The following PDE3A variants were observed in gnomAD, a reference collection of about 807,000 sequenced individuals.
The protein encoded by PDE3A is phosphodiesterase 3A, also known as cGMP-inhibited 3',5'-cyclic phosphodiesterase 3A.
In PDE3A, 43 loss-of-function variants were observed where a neutral mutation model predicts 98.3. The ratio of observed to expected loss-of-function variants is 0.44; its 90% confidence interval spans 0.34 to 0.56. The LOEUF is 0.56. PDE3A is among the 20% of genes least tolerant of loss of function. The probability of loss-of-function intolerance (pLI) is 0.01; values close to 1 mark genes in which losing one functional copy is unlikely to be tolerated. For synonymous variants in PDE3A, 663 were observed against 567.9 expected, an observed-to-expected ratio of 1.17 and a Z score of -2.38; for missense variants, 1,427 against 1,440.7, an observed-to-expected ratio of 0.99 and a Z score of 0.15.
intron 6 of PDE3A, among the ~76,000 whole-genome samples, chr12:20,632,451 A>T (rs1011702870): frequency 1.3e-5 from 2 of 152,248 alleles, no homozygotes; most frequent in Non-Finnish European, 2.9e-5. Context: ...AACAAACAAA[A>T]AAATCCCCTG....
At chr12:20,592,633 G>A (rs1943368007) in intron 2 of PDE3A, among the ~76,000 whole-genome samples, 1 of 152,122 alleles carries the variant, frequency 6.6e-6, no homozygotes, top group Non-Finnish European at 1.5e-5. Flanking sequence ...CTGAAAATGA[G>A]GGAGAGCATC....
intron 3 of PDE3A, among the ~76,000 whole-genome samples, 162 bp downstream of exon 3, chr12:20,613,862 G>T (rs1943932673): frequency 1.3e-5 from 2 of 152,176 alleles, no homozygotes; most frequent in South Asian, 2.1e-4. Flanking sequence ...TAAACATAAA[G>T]ACTTCTGTCC....
chr12:20,670,560 A>G (rs1406094056), intron 15 of PDE3A, among the ~76,000 whole-genome samples: 1 of 152,164 alleles, frequency 6.6e-6, no homozygotes, highest in East Asian at 1.9e-4. Context: ...AAAACTGCTC[A>G]ACTGCATGGA....
chr12:20,505,893 T>G (rs537315024), intron 1 of PDE3A, among the ~76,000 whole-genome samples: 2 of 152,132 alleles, frequency 1.3e-5, no homozygotes, highest in Admixed American at 1.3e-4. Context: ...GTGGAGCTAC[T>G]CTGGTTGTAT....
chr12:20,450,238 GTTTCTCAAAA>G (rs1945040590), intron 1 of PDE3A, among the ~76,000 whole-genome samples: 1 of 152,152 alleles, frequency 6.6e-6, no homozygotes, highest in African/African-American at 2.4e-5. Flanking sequence ...GAGTTGTCTA[GTTTCTCAAAA>G]TTGTGAGGTT....
intron 2 of PDE3A, among the ~76,000 whole-genome samples, chr12:20,602,286 A>T (rs1266690924): frequency 1.3e-5 from 2 of 152,194 alleles, no homozygotes; most frequent in African/African-American, 4.8e-5. Flanking sequence ...AAAGACAGCT[A>T]AGGTTATCTT....
intron 15 of PDE3A, among the ~76,000 whole-genome samples, chr12:20,667,890 G>A (rs4271432): frequency 0.26 from 39,340 of 152,156 alleles, 6,671 homozygotes; most frequent in East Asian, 0.59. Context: ...AGCTCCCAGC[G>A]TGGTGGATGC....
intron 1 of PDE3A, among the ~76,000 whole-genome samples, chr12:20,498,027 C>T (rs1945952929): frequency 6.6e-6 from 1 of 152,082 alleles, no homozygotes; most frequent in African/African-American, 2.4e-5. Context: ...CGTGTTATAG[C>T]AGAAAAGATT....
intron 13 of PDE3A, 151 bp from the exon 14 acceptor site, chr12:20,650,294 A>G (rs1462302426): frequency 1.4e-5 from 6 of 430,056 alleles, no homozygotes; most frequent in Non-Finnish European, 2.1e-5. Flanking sequence ...TACACAGCCA[A>G]TAACATTTTT....
chr12:20,538,858 C>T (rs1941821050), intron 1 of PDE3A, among the ~76,000 whole-genome samples: 1 of 152,034 alleles, frequency 6.6e-6, no homozygotes, highest in South Asian at 2.1e-4. Context: ...ATTGTCCGGG[C>T]TGGTCTTGAA....
intron 1 of PDE3A, among the ~76,000 whole-genome samples, chr12:20,397,037 A>G (rs1479801182): frequency 1.3e-5 from 2 of 152,070 alleles, no homozygotes; most frequent in Non-Finnish European, 2.9e-5. Context: ...AAGCTACCCC[A>G]GAAAAATGTT....
intron 1 of PDE3A, among the ~76,000 whole-genome samples, chr12:20,401,224 C>G (rs960114508): frequency 6.6e-6 from 1 of 152,158 alleles, no homozygotes; most frequent in Non-Finnish European, 1.5e-5. Context: ...TCTCCCTACC[C>G]TCATGCCATC....
At chr12:20,482,583 G>A (rs1328476329) in intron 1 of PDE3A, among the ~76,000 whole-genome samples, 2 of 152,102 alleles carry the variant, frequency 1.3e-5, no homozygotes, top group Non-Finnish European at 1.5e-5. Context: ...TTTTCTCAAT[G>A]GACAAAATTG....
chr12:20,530,119 A>G (rs1359173545), intron 1 of PDE3A, among the ~76,000 whole-genome samples: 1 of 152,142 alleles, frequency 6.6e-6, no homozygotes. Flanking sequence ...AAAAACTCAA[A>G]CTTGAGGAGA....
chr12:20,598,808 A>G (rs1054923582), intron 2 of PDE3A, among the ~76,000 whole-genome samples: 2 of 152,100 alleles, frequency 1.3e-5, no homozygotes, highest in African/African-American at 4.8e-5. Context: ...TCCAAGTGCA[A>G]ATGATTCTCC....
At position 20,686,081 on chromosome 12, in the gene PDE3A, T is replaced by A. The variant is rs1385336870; in HGVS notation, c.*5810T>A. Among the ~76,000 whole-genome samples the A allele has an allele frequency of 6.6e-6, 1 of 152,184 alleles. No individual in the cohort carries two copies. The highest frequency in any genetic ancestry group is 2.4e-5 in the African/African-American group (1 of 41,450). ...TGATTATTTTCATATACTCAGAGGCTGAATATTTTGATATAATAAGAACTA... is the reference window on the plus strand; with the variant it reads ...TGATTATTTTCATATACTCAGAGGCAGAATATTTTGATATAATAAGAACTA... On this transcript the variant is annotated 3_prime_UTR_variant, in exon 16 of 16. Transcript: ENST00000359062.
At chr12:20,609,103 A>G (rs1943784418) in intron 2 of PDE3A, among the ~76,000 whole-genome samples, 1 of 152,068 alleles carries the variant, frequency 6.6e-6, no homozygotes, top group African/African-American at 2.4e-5. Flanking sequence ...TTTTACAAAC[A>G]TTAAAAAATT....
intron 1 of PDE3A, among the ~76,000 whole-genome samples, chr12:20,417,178 C>G (rs1944434577): frequency 6.6e-6 from 1 of 152,096 alleles, no homozygotes. Flanking sequence ...CATTAGTTAG[C>G]AGAGTTATTT....
At chr12:20,621,212 G>A in intron 4 of PDE3A, 84 bp from the exon 5 acceptor site, 1 of 745,176 alleles carries the variant, frequency 1.3e-6, no homozygotes, top group Non-Finnish European at 2.4e-6. Flanking sequence ...GAGAAATGAT[G>A]GTTGGGTTCT....
Sources: allele counts gnomAD v4.1 joint callset (sites outside exome capture counted in the v4.1 genomes callset), GRCh38; gene constraint gnomAD v4.1.1; transcripts MANE v1.5; gene names NCBI Gene and HGNC (gene_info 2026-07-23, HGNC 2026-07-21).